The following ZNF316 variants were observed in gnomAD, a reference collection of about 807,000 sequenced individuals.
ZNF316 encodes zinc finger protein 316.
Under a neutral mutation model 75.6 loss-of-function variants are expected in ZNF316, and 23 were observed. The ratio of observed to expected loss-of-function variants is 0.30; its 90% confidence interval spans 0.22 to 0.43. ZNF316 has a LOEUF of 0.43. Among genes scored for constraint, ZNF316 ranks in the 20% least tolerant of loss-of-function variants. ZNF316 has a pLI of 1.00. For missense variants in ZNF316, 1,266 were observed against 1,409.4 expected, an observed-to-expected ratio of 0.90 and a Z score of 1.63; for synonymous variants, 827 against 666.2, an observed-to-expected ratio of 1.24 and a Z score of -3.72.
rs1779658439 is a variant in ZNF316, at chr7:6,658,173, C to T, written c.*3562C>T. Among the ~76,000 whole-genome samples the T allele has an allele frequency of 6.6e-6, 1 of 152,070 alleles. No individual in the cohort carries two copies. Among genetic ancestry groups the T allele is most frequent in the African/African-American group, 2.4e-5 (1 of 41,382 alleles). ...CCTGATCTTTTCACTTAATCTCGTCCAACATTTCCTTCTATCTCCCTTTTT... is the reference window on the plus strand; with the variant it reads ...CCTGATCTTTTCACTTAATCTCGTCTAACATTTCCTTCTATCTCCCTTTTT... On this transcript the variant is annotated 3_prime_UTR_variant, in exon 9 of 9. Coordinates refer to ENST00000382252, the MANE Select transcript of ZNF316 (RefSeq NM_001278559.2).
chr7:6,644,193 G>A (rs905450272), intron 7 of ZNF316, among the ~76,000 whole-genome samples: 1 of 152,146 alleles, frequency 6.6e-6, no homozygotes, highest in Non-Finnish European at 1.5e-5. Flanking sequence ...GGTGTCTGCT[G>A]CATGGCCCCT....
At position 6,639,970 on chromosome 7, in the gene ZNF316, G is replaced by A. The variant is rs559948576; in HGVS notation, c.-167+829G>A. On this transcript the variant is annotated intron_variant, in intron 3 of 8. Transcript: ENST00000382252. This position sits in a 1 kb window ranked among gnomAD's most constrained non-coding sequence, Gnocchi z 4.2. ...GGAGGTTGGGGTGGCGCTCCCAGGC[G>A]TAGTTCTGTGACTTGAGTCTTTGGG... Among the ~76,000 whole-genome samples, 16 of 152,296 alleles carry A rather than the reference G, an allele frequency of 1.1e-4. No homozygotes were observed. In the South Asian group the frequency reaches 1.7e-3, roughly 16 times the overall value.
rs1470206419 is a variant in ZNF316, at chr7:6,637,387, G to GCCGGCCCGCAGGCCCCGGCCCCGGTGT, written c.-482_-456dup. The GCCGGCCCGCAGGCCCCGGCCCCGGTGT allele has an allele frequency of 2.0e-5, 3 of 147,414 alleles. No homozygotes were observed. The highest frequency in any genetic ancestry group is 4.5e-5 in the Non-Finnish European group (3 of 66,262). The allele number at this position is 147,414 out of a possible 1,614,324, so 9.1% of individuals were successfully genotyped here. ...CACTTTGTGTAGCGCGGGGTCCGCC[G>GCCGGCCCGCAGGCCCCGGCCCCGGTGT]CCGGCCCGCAGGCCCCGGCCCCGGT... On this transcript the variant is annotated 5_prime_UTR_variant, in exon 1 of 9. Transcript: ENST00000382252. This position sits in a 1 kb window ranked among gnomAD's most constrained non-coding sequence, Gnocchi z 6.2.
In ZNF316 at chr7:6,654,463, C is replaced by T. The variant is rs1270712606; in HGVS notation, c.2867C>T (p.Pro956Leu). 1.8e-5 allele frequency: 22 copies of T among 1,193,010 alleles called. No homozygotes were observed. Among genetic ancestry groups the T allele is most frequent in the Non-Finnish European group, 2.2e-5 (21 of 963,280 alleles). 73.9% of individuals were successfully genotyped at this position (1,193,010 alleles called of 1,614,324 possible). A position where few individuals can be genotyped will look rare whatever the true frequency, so the allele number is the denominator to read the frequency against. Residue 956 changes from proline (P) to leucine (L), a missense_variant, in exon 9 of 9, where the codon CCC (proline) becomes CTC (leucine). Physicochemically the swap from Pro to Leu is moderately conservative, Grantham distance 98. Coordinates refer to ENST00000382252, the MANE Select transcript of ZNF316 (RefSeq NM_001278559.2). ...SGSAPAPAPKPEAAAKGPSSA... is the reference protein window; with the variant it reads ...SGSAPAPAPKLEAAAKGPSSA... ...TCGGCCCCAGCCCCCGCGCCCAAGC[C>T]CGAGGCGGCCGCCAAGGGGCCGTCC...
chr7:6,643,335 G>A (rs1297148629), intron 6 of ZNF316, among the ~76,000 whole-genome samples: 2 of 152,208 alleles, frequency 1.3e-5, no homozygotes, highest in South Asian at 2.1e-4. Context: ...TGTGCACAGC[G>A]ACTTCAGAGG....
intron 8 of ZNF316, among the ~76,000 whole-genome samples, chr7:6,646,312 C>T (rs1441207448): frequency 1.3e-5 from 2 of 152,316 alleles, no homozygotes; most frequent in South Asian, 2.1e-4. Context: ...ATCACTGCTG[C>T]CCCCAGGATG....
chr7:6,654,675 C>T lies in ZNF316; in HGVS notation c.*64C>T. On this transcript the variant is annotated 3_prime_UTR_variant, in exon 9 of 9. Transcript: ENST00000382252. ...CCGGCCCCTCCCTTGGACGGCCGGCCCCCCGCTCCTCGGGCCCCGGGAGGC... is the reference window on the plus strand; with the variant it reads ...CCGGCCCCTCCCTTGGACGGCCGGCTCCCCGCTCCTCGGGCCCCGGGAGGC... 1 of 1,139,234 alleles carries T rather than the reference C, an allele frequency of 8.8e-7. No individual in the cohort carries two copies. The highest frequency in any genetic ancestry group is 1.1e-6 in the Non-Finnish European group (1 of 925,908). 70.6% of individuals were successfully genotyped at this position (1,139,234 alleles called of 1,614,324 possible).
Position 6,637,485 on chromosome 7 carries a change from G to A in ZNF316, c.-431+38G>A, listed in dbSNP as rs2115303577. On this transcript the variant is annotated intron_variant, in intron 1 of 8. Transcript: ENST00000382252. The surrounding 1 kb of genome is among the most constrained non-coding windows in gnomAD (Gnocchi z 6.2). Reference sequence around the variant, plus strand: ...CGCGGGGCCGGTGGGCGGCGGCGCGGGCGGCAGGTGCGGGCGGGCCGGGCT... The same window carrying A: ...CGCGGGGCCGGTGGGCGGCGGCGCGAGCGGCAGGTGCGGGCGGGCCGGGCT... 6.8e-6 allele frequency: 1 copy of A among 146,708 alleles called. No individual in the cohort carries two copies. The highest frequency in any genetic ancestry group is 1.5e-5 in the Non-Finnish European group (1 of 65,704). The allele number at this position is 146,708 out of a possible 1,614,324, so 9.1% of individuals were successfully genotyped here.
chr7:6,646,011 A>G (rs2115312340), intron 8 of ZNF316, among the ~76,000 whole-genome samples: 2 of 151,798 alleles, frequency 1.3e-5, no homozygotes, highest in East Asian at 3.9e-4. Flanking sequence ...AAAAAAAAAA[A>G]AAATCAGATC....
Position 6,639,472 on chromosome 7 carries a change from G to T in ZNF316, c.-167+331G>T, listed in dbSNP as rs562249580. ...TACAGGGAACTGTGTCACCCACTGG[G>T]GCCCAGGGGGCTGCCTCAGAAGACC... On this transcript the variant is annotated intron_variant, in intron 3 of 8. Coordinates refer to ENST00000382252, the MANE Select transcript of ZNF316 (RefSeq NM_001278559.2). The surrounding 1 kb of genome is among the most constrained non-coding windows in gnomAD (Gnocchi z 4.2). Among the ~76,000 whole-genome samples the T allele has an allele frequency of 3.3e-5, 5 of 152,262 alleles. No homozygotes were observed. In the South Asian group the frequency reaches 1.0e-3, roughly 32 times the overall value.
rs1052792527 is a variant in ZNF316 at position 6,653,737 on chromosome 7, C to T, written c.2141C>T (p.Ala714Val). 3 of 1,098,314 alleles carry T rather than the reference C, an allele frequency of 2.7e-6. No homozygotes were observed. In the African/African-American group the frequency reaches 5.1e-5, roughly 19 times the overall value. 68.0% of individuals were successfully genotyped at this position (1,098,314 alleles called of 1,614,324 possible). Residue 714 changes from alanine (A) to valine (V), a missense_variant, in exon 9 of 9, where the codon GCG (alanine) becomes GTG (valine). Coordinates refer to ENST00000382252, the MANE Select transcript of ZNF316 (RefSeq NM_001278559.2). ...AALAKHQRYH[A>V]GERPHRCADC... is the part of the protein sequence containing the mutation. ...CTGGCCAAGCACCAGCGCTACCACG[C>T]GGGCGAGCGGCCGCATCGCTGCGCC...
In ZNF316 at chr7:6,637,842, C is replaced by G. The variant is rs1354017361; in HGVS notation, c.-430-4C>G. 3 of 152,148 alleles carry G rather than the reference C, an allele frequency of 2.0e-5. No homozygotes were observed. The highest frequency in any genetic ancestry group is 4.4e-5 in the Non-Finnish European group (3 of 68,058). 9.4% of individuals were successfully genotyped at this position (152,148 alleles called of 1,614,324 possible). A position where few individuals can be genotyped will look rare whatever the true frequency, so the allele number is the denominator to read the frequency against. ...CCCATCCAGGAGGGGCTGTCATCGTCTAGGTCTCTGCAGGAGGAGGCGGCT... is the reference window on the plus strand; with the variant it reads ...CCCATCCAGGAGGGGCTGTCATCGTGTAGGTCTCTGCAGGAGGAGGCGGCT... On this transcript the variant is annotated splice_polypyrimidine_tract_variant and splice_region_variant and intron_variant, in intron 1 of 8. Transcript: ENST00000382252. The surrounding 1 kb of genome is among the most constrained non-coding windows in gnomAD (Gnocchi z 6.2).
At position 6,642,547 on chromosome 7, in the gene ZNF316, AGAGGAGGAGGAGATAGTGGTGGAG is replaced by A; in HGVS notation, c.151_174del (p.Ile51_Glu58del). On this transcript the variant is annotated inframe_deletion, in exon 5 of 9. Coordinates refer to ENST00000382252, the MANE Select transcript of ZNF316 (RefSeq NM_001278559.2). This position sits in a 1 kb window ranked among gnomAD's most constrained non-coding sequence, Gnocchi z 8.1. ...GGGAAGAGGTGCAGGAGGTGGAAGA[AGAGGAGGAGGAGATAGTGGTGGAG>A]GAGGAGGAGGAGGGTGTGGCAGAGG... 8.2e-7 allele frequency: 1 copy of A among 1,225,576 alleles called. No homozygotes were observed. Among genetic ancestry groups the A allele is most frequent in the Non-Finnish European group, 1.0e-6 (1 of 981,198 alleles). The allele number at this position is 1,225,576 out of a possible 1,614,324, so 75.9% of individuals were successfully genotyped here.
intron 6 of ZNF316, 136 bp from the exon 7 acceptor site, chr7:6,643,685 AG>A: frequency 1.3e-6 from 1 of 750,122 alleles, no homozygotes; most frequent in Non-Finnish European, 1.8e-6. Context: ...GGCTGTGGCA[AG>A]GCCTGAAAGC....
rs1480539315 is a variant in ZNF316 at position 6,654,209 on chromosome 7, C to G, written c.2613C>G (p.Arg871=). 8.2e-7 allele frequency: 1 copy of G among 1,224,130 alleles called. No individual in the cohort carries two copies. The highest frequency in any genetic ancestry group is 1.0e-6 in the Non-Finnish European group (1 of 982,366). 75.8% of individuals were successfully genotyped at this position (1,224,130 alleles called of 1,614,324 possible). A position where few individuals can be genotyped will look rare whatever the true frequency, so the allele number is the denominator to read the frequency against. ...ACTGCGGCCGCGGCTTCGCGCAGCGCTCCAACCTGGCCAAGCACCGGCGCG... is the reference window on the plus strand; with the variant it reads ...ACTGCGGCCGCGGCTTCGCGCAGCGGTCCAACCTGGCCAAGCACCGGCGCG... ...CADCGRGFAQ[R]SNLAKHRRGH... is the part of the protein sequence containing the mutation. The change falls in exon 9 of 9, where the codon CGC becomes CGG. Residue 871 remains arginine, a synonymous_variant. Coordinates refer to ENST00000382252, the MANE Select transcript of ZNF316 (RefSeq NM_001278559.2).
chr7:6,653,251 C>A lies in ZNF316; in HGVS notation c.1655C>A (p.Ala552Glu). 8.2e-7 allele frequency: 1 copy of A among 1,226,700 alleles called. No homozygotes were observed. The highest frequency in any genetic ancestry group is 1.0e-6 in the Non-Finnish European group (1 of 985,086). 76.0% of individuals were successfully genotyped at this position (1,226,700 alleles called of 1,614,324 possible). The change falls in exon 9 of 9, where the codon GCG becomes GAG. Residue 552 changes from alanine to glutamate, a missense_variant. Ala to Glu is a moderately radical substitution (Grantham distance 107). Transcript: ENST00000382252. ...VGEADGEAEAAAEEREEAAVA... is the reference protein window; with the variant it reads ...VGEADGEAEAEAEEREEAAVA... ...GAGGCGGACGGAGAGGCGGAGGCCG[C>A]GGCCGAGGAGAGAGAGGAGGCGGCG...
Position 6,637,810 on chromosome 7 carries a change from G to A in ZNF316, c.-430-36G>A, listed in dbSNP as rs1424811008. ...AGGGGCTGGGCCGCGGCCGCCCCCA[G>A]GACACACCCATCCAGGAGGGGCTGT... is the stretch of plus-strand genomic sequence containing the variant. On this transcript the variant is annotated intron_variant, in intron 1 of 8. Coordinates refer to ENST00000382252, the MANE Select transcript of ZNF316 (RefSeq NM_001278559.2). This position sits in a 1 kb window ranked among gnomAD's most constrained non-coding sequence, Gnocchi z 6.2. The A allele has an allele frequency of 6.6e-6, 1 of 152,082 alleles. No homozygotes were observed. Among genetic ancestry groups the A allele is most frequent in the African/African-American group, 2.4e-5 (1 of 41,412 alleles). 9.4% of individuals were successfully genotyped at this position (152,082 alleles called of 1,614,324 possible).
rs2115303460 is a variant in ZNF316 at position 6,637,380 on chromosome 7, G to C, written c.-498G>C. The C allele has an allele frequency of 6.7e-6, 1 of 148,266 alleles. No homozygotes were observed. The highest frequency in any genetic ancestry group is 2.4e-5 in the African/African-American group (1 of 41,024). 9.2% of individuals were successfully genotyped at this position (148,266 alleles called of 1,614,324 possible). ...GGGCCGTCACTTTGTGTAGCGCGGG[G>C]TCCGCCGCCGGCCCGCAGGCCCCGG... On this transcript the variant is annotated 5_prime_UTR_variant, in exon 1 of 9. Transcript: ENST00000382252. This position sits in a 1 kb window ranked among gnomAD's most constrained non-coding sequence, Gnocchi z 6.2.
rs965192694 is a variant in ZNF316 at position 6,637,921 on chromosome 7, C to T, written c.-355C>T. The T allele has an allele frequency of 2.0e-5, 3 of 152,240 alleles. No individual in the cohort carries two copies. The highest frequency in any genetic ancestry group is 4.4e-5 in the Non-Finnish European group (3 of 68,094). 9.4% of individuals were successfully genotyped at this position (152,240 alleles called of 1,614,324 possible). On this transcript the variant is annotated 5_prime_UTR_variant, in exon 2 of 9. Transcript: ENST00000382252. This position sits in a 1 kb window ranked among gnomAD's most constrained non-coding sequence, Gnocchi z 6.2. Reference sequence around the variant, plus strand: ...CTCGGCCCGTCGCCCCAGGAGCCCGCTTTGTGACCTTGGGGGCCTTATCCG... The same window carrying T: ...CTCGGCCCGTCGCCCCAGGAGCCCGTTTTGTGACCTTGGGGGCCTTATCCG...
Sources: allele counts gnomAD v4.1 joint callset (sites outside exome capture counted in the v4.1 genomes callset), GRCh38; gene constraint gnomAD v4.1.1; non-coding constraint Gnocchi (gnomAD v3.1); transcripts MANE v1.5; gene names NCBI Gene and HGNC (gene_info 2026-07-23, HGNC 2026-07-21).